Variants in KLF8 observed in about 807,000 individuals in gnomAD.
KLF8 encodes the protein Krueppel-like factor 8.
A neutral mutation model predicts 18.2 loss-of-function variants in KLF8; 10 were observed. The observed-to-expected ratio is 0.55, with a 90% CI of 0.34 to 0.93. The LOEUF (loss-of-function observed/expected upper bound fraction) is 0.93. Among genes scored for constraint, KLF8 ranks in the 40% least tolerant of loss-of-function variants. The probability of loss-of-function intolerance (pLI) is 0.02; values close to 1 mark genes in which losing one functional copy is unlikely to be tolerated. For synonymous variants in KLF8, 109 were observed against 97.3 expected (o/e 1.12, Z -0.71); for missense variants, 264 against 277.9 (o/e 0.95, Z 0.36).
At chrX:56,160,957 G>T in the KLF8 span, among the ~76,000 whole-genome samples, 1 of 111,074 alleles carries the variant, frequency 9.0e-6, no homozygotes, top group Non-Finnish European at 1.9e-5. Context: ...TATTTTGCTC[G>T]TTAGTTGATG....
the KLF8 span, among the ~76,000 whole-genome samples, chrX:56,077,166 A>T: frequency 5.4e-5 from 6 of 111,885 alleles, no homozygotes; most frequent in East Asian, 8.5e-4. Flanking sequence ...TTTGTCAATT[A>T]TGGCTTTTGT....
the KLF8 span, among the ~76,000 whole-genome samples, chrX:56,020,432 G>A: frequency 8.9e-6 from 1 of 111,863 alleles, no homozygotes; most frequent in East Asian, 2.8e-4. Context: ...TTAAAGTAAG[G>A]TAGTAGACAT....
chrX:56,172,656 T>G, the KLF8 span, among the ~76,000 whole-genome samples: 44 of 112,116 alleles, frequency 3.9e-4, no homozygotes, highest in East Asian at 9.5e-3. Flanking sequence ...GAATTTCTAG[T>G]TCTAGATCCC....
chrX:56,103,588 T>C, the KLF8 span, among the ~76,000 whole-genome samples: 15 of 111,884 alleles, frequency 1.3e-4, no homozygotes, highest in African/African-American at 4.5e-4. Context: ...CTGAAGTTGC[T>C]TATCAGCTTA....
the KLF8 span, among the ~76,000 whole-genome samples, chrX:56,062,560 G>T: frequency 8.9e-6 from 1 of 112,190 alleles, no homozygotes; most frequent in African/African-American, 3.2e-5. Flanking sequence ...TCTGCTGTTA[G>T]TCTGATGGCC....
chrX:56,262,770 A>G (rs1186229672), intron 2 of KLF8, among the ~76,000 whole-genome samples: 1 of 110,516 alleles, frequency 9.0e-6, no homozygotes, highest in Non-Finnish European at 1.9e-5. Context: ...CTACAGGTGC[A>G]TGCTACCATA....
At chrX:56,133,250 G>A in the KLF8 span, among the ~76,000 whole-genome samples, 1 of 111,676 alleles carries the variant, frequency 9.0e-6, no homozygotes, top group African/African-American at 3.3e-5. Context: ...GATGAACATA[G>A]ATGCAAATAT....
At chrX:56,148,006 T>C in the KLF8 span, among the ~76,000 whole-genome samples, 1 of 111,831 alleles carries the variant, frequency 8.9e-6, no homozygotes. Context: ...AGAGAAGCAA[T>C]GGTTGCACAA....
chrX:56,221,065 C>G, the KLF8 span, among the ~76,000 whole-genome samples: 5 of 111,730 alleles, frequency 4.5e-5, no homozygotes, highest in Non-Finnish European at 7.5e-5. Context: ...ATTATACTTC[C>G]TTACTTGCAC....
chrX:56,024,381 T>C, the KLF8 span, among the ~76,000 whole-genome samples: 1 of 110,937 alleles, frequency 9.0e-6, no homozygotes, highest in East Asian at 2.8e-4. Flanking sequence ...CTAATTTTTG[T>C]ATTTTTTGTA....
At chrX:56,201,971 C>A in the KLF8 span, among the ~76,000 whole-genome samples, 1 of 111,321 alleles carries the variant, frequency 9.0e-6, no homozygotes, top group Non-Finnish European at 1.9e-5. Context: ...GGATGCCTTA[C>A]CAATATTAAG....
chrX:56,026,285 AG>A, the KLF8 span, among the ~76,000 whole-genome samples: 1 of 111,637 alleles, frequency 9.0e-6, no homozygotes, highest in Non-Finnish European at 1.9e-5. Context: ...CTGGAGAAAA[AG>A]GGTGAACTGG....
the KLF8 span, among the ~76,000 whole-genome samples, chrX:56,120,171 G>A: frequency 1.8e-5 from 2 of 110,478 alleles, no homozygotes; most frequent in Non-Finnish European, 3.8e-5. Flanking sequence ...AAGCTCTTCC[G>A]ATGTGGGAAT....
the KLF8 span, among the ~76,000 whole-genome samples, chrX:56,138,728 C>G: frequency 9.0e-6 from 1 of 111,364 alleles, no homozygotes; most frequent in African/African-American, 3.3e-5. Context: ...TGGGCAAAAG[C>G]TGGAAACATT....
intron 3 of KLF8, chrX:56,266,304 T>C (rs949232534): frequency 5.3e-6 from 4 of 752,511 alleles, no homozygotes; most frequent in Non-Finnish European, 6.3e-6. Flanking sequence ...TGAAATATTG[T>C]CATCTTCCCT....
At chrX:56,160,104 G>C in the KLF8 span, among the ~76,000 whole-genome samples, 57 of 111,740 alleles carry the variant, frequency 5.1e-4, no homozygotes, top group Non-Finnish European at 9.4e-4. Context: ...GTTCTCATTG[G>C]TTTCAAAGAA....
chrX:56,250,540 G>T (rs1381986945), intron 2 of KLF8, among the ~76,000 whole-genome samples: 1 of 111,759 alleles, frequency 8.9e-6, no homozygotes, highest in Non-Finnish European at 1.9e-5. Flanking sequence ...AAAGACAAGA[G>T]TAGACCTTTA....
At chrX:56,213,314 C>CTTTTTTTTTTTTTTTTTTTTTTTTTTT in the KLF8 span, among the ~76,000 whole-genome samples, 2 of 12,009 alleles carry the variant, frequency 1.7e-4, no homozygotes, top group Admixed American at 8.5e-4. Context: ...CTTTTCTTTT[C>CTTTTTTTTTTTTTTTTTTTTTTTTTTT]TTTTTTTTTT....
the KLF8 span, among the ~76,000 whole-genome samples, chrX:56,089,554 C>T: frequency 9.0e-6 from 1 of 111,717 alleles, no homozygotes; most frequent in Non-Finnish European, 1.9e-5. Context: ...AAAAGCAGAA[C>T]AAACTGAAAA....
Sources: allele counts gnomAD v4.1 joint callset (sites outside exome capture counted in the v4.1 genomes callset), GRCh38; gene constraint gnomAD v4.1.1; transcripts MANE v1.5; gene names NCBI Gene and HGNC (gene_info 2026-07-23, HGNC 2026-07-21).